FAP: variants seen among roughly 807,000 people sequenced by gnomAD.
FAP encodes the protein prolyl endopeptidase FAP.
FAP carries 110 observed loss-of-function variants against 126.5 expected under a neutral mutation model. The ratio of observed to expected loss-of-function variants is 0.87; its 90% CI spans 0.74 to 1.02. The LOEUF is 1.02. Ranked by LOEUF, FAP falls within the 50% of genes least tolerant of loss-of-function variation. FAP has a pLI of 0.00. For missense variants in FAP, 919 were observed against 909.2 expected (o/e 1.01, Z -0.14); for synonymous variants, 334 against 297.3 (o/e 1.12, Z -1.27).
chr2:162,201,736 G>A (rs760537044), intron 14 of FAP, among the ~76,000 whole-genome samples: 2 of 152,120 alleles, frequency 1.3e-5, no homozygotes, highest in Non-Finnish European at 2.9e-5. Flanking sequence ...ACTACTCTGT[G>A]TCAGGCGCTG....
intron 3 of FAP, 120 bp from the exon 4 acceptor site, chr2:162,225,697 A>G (rs1689616653): frequency 2.0e-6 from 2 of 984,248 alleles, no homozygotes; most frequent in Non-Finnish European, 2.8e-6. Context: ...TCCAGTACAT[A>G]TTGCTTTGTG....
intron 25 of FAP, chr2:162,171,836 T>C (rs1266502769): frequency 6.6e-6 from 1 of 152,092 alleles, no homozygotes; most frequent in East Asian, 1.9e-4. Flanking sequence ...GATATTTTGA[T>C]AGCTGAATAC....
intron 12 of FAP, among the ~76,000 whole-genome samples, chr2:162,207,714 ATT>A (rs549071406): frequency 7.8e-5 from 11 of 141,706 alleles, no homozygotes; most frequent in Non-Finnish European, 9.3e-5. Flanking sequence ...CACTGAGGGC[ATT>A]TTTTTTTTTT....
chr2:162,173,828 A>G, intron 22 of FAP, 41 bp from the exon 23 acceptor site: 6 of 1,275,364 alleles, frequency 4.7e-6, no homozygotes, highest in Non-Finnish European at 6.8e-6. Context: ...GCATGTGATG[A>G]ATGTCATTTC....
At chr2:162,224,653 T>C (rs955376309) in intron 4 of FAP, 113 bp from the exon 5 acceptor site, 3 of 542,664 alleles carry the variant, frequency 5.5e-6, no homozygotes, top group Non-Finnish European at 6.3e-6. Context: ...GCATAGACTT[T>C]CAATGCAATT....
At position 162,229,846 on chromosome 2, in the gene FAP, G is replaced by A. The variant is rs918862931; in HGVS notation, c.92-3225C>T. On this transcript the variant is annotated intron_variant, in intron 2 of 25. Coordinates refer to ENST00000188790, the MANE Select transcript of FAP (RefSeq NM_004460.5). Reference sequence around the variant, plus strand: ...AATGCCAACAATCGATATAGAGAACGTAGCATATGACTCAAAAAATCTGTA... The same window carrying A: ...AATGCCAACAATCGATATAGAGAACATAGCATATGACTCAAAAAATCTGTA... Among the ~76,000 whole-genome samples, 8 of 136,744 alleles carry A rather than the reference G, an allele frequency of 5.9e-5. No individual in the cohort carries two copies. The South Asian group carries it at 1.3e-3, about 23-fold the overall frequency. 89.7% of individuals were successfully genotyped at this position (136,744 alleles called of 152,430 possible).
chr2:162,191,518 G>A (rs184781307), intron 17 of FAP, among the ~76,000 whole-genome samples: 172 of 151,938 alleles, frequency 1.1e-3, no homozygotes, highest in African/African-American at 3.8e-3. Context: ...TCCCATCACC[G>A]TATACTCAGT....
At chr2:162,196,786 T>C (rs1324042702) in intron 16 of FAP, among the ~76,000 whole-genome samples, 1 of 152,170 alleles carries the variant, frequency 6.6e-6, no homozygotes, top group African/African-American at 2.4e-5. Flanking sequence ...GTTTTTCCTA[T>C]GATGGCGCAG....
chr2:162,183,530 A>T, intron 20 of FAP, 62 bp from the exon 21 acceptor site: 3 of 921,120 alleles, frequency 3.3e-6, no homozygotes, highest in Non-Finnish European at 5.3e-6. Flanking sequence ...TTACTTCATT[A>T]CACAACCATA....
chr2:162,243,277 G>A lies in FAP; in HGVS notation c.6+45C>T. 5 of 1,438,752 alleles carry A rather than the reference G, an allele frequency of 3.5e-6. No individual in the cohort carries two copies. In the South Asian group the frequency reaches 3.5e-5, roughly 10 times the overall value. 89.1% of individuals were successfully genotyped at this position (1,438,752 alleles called of 1,614,324 possible). A position where few individuals can be genotyped will look rare whatever the true frequency, so the allele number is the denominator to read the frequency against. On this transcript the variant is annotated intron_variant, in intron 1 of 25. Coordinates refer to ENST00000188790, the MANE Select transcript of FAP (RefSeq NM_004460.5). ...GAAAACTCTGATCACGTTCAATCCA[G>A]CCAACCCTAATTTTTTAAGAATACT... is the stretch of plus-strand genomic sequence containing the variant.
Position 162,217,990 on chromosome 2 carries a change from G to T in FAP, c.758C>A (p.Pro253Gln). 2 of 1,572,432 alleles carry T rather than the reference G, an allele frequency of 1.3e-6. No homozygotes were observed. The highest frequency in any genetic ancestry group is 1.7e-6 in the Non-Finnish European group (2 of 1,159,910). ...QYPRTINIPY[P>Q]KAGAKNPVVR... ...CGCTGAAAGTATTCAACATACCTTT[G>T]GGTATGGAATATTTATTGTTCTAGG... The change falls in exon 9 of 26, where the codon CCA becomes CAA. Residue 253 changes from proline (P) to glutamine (Q), a missense_variant. Pro to Gln is a moderately conservative substitution (Grantham distance 76). Transcript: ENST00000188790.
At position 162,179,422 on chromosome 2, in the gene FAP, T is replaced by C. The variant is rs201129624; in HGVS notation, c.1869+3992A>G. ...AGGATTAAAGTCAGTTTAAACAACATCATAGATGCTTGCTGTGGCCAAGCA... is the reference window on the plus strand; with the variant it reads ...AGGATTAAAGTCAGTTTAAACAACACCATAGATGCTTGCTGTGGCCAAGCA... On this transcript the variant is annotated intron_variant, in intron 21 of 25. Coordinates refer to ENST00000188790, the MANE Select transcript of FAP (RefSeq NM_004460.5). Among the ~76,000 whole-genome samples the C allele has an allele frequency of 4.6e-5, 7 of 152,218 alleles. No individual in the cohort carries two copies. The East Asian group carries it at 1.4e-3, about 29-fold the overall frequency.
At position 162,205,575 on chromosome 2, in the gene FAP, G is replaced by A. The variant is rs369211921; in HGVS notation, c.1048-2430C>T. ...TTGCCCAGGCTGGAGTGCAAATAGC[G>A]TGGTCTTGGCTCATCACAACCTCTG... is the stretch of plus-strand genomic sequence containing the variant. On this transcript the variant is annotated intron_variant, in intron 12 of 25. Transcript: ENST00000188790. Among the ~76,000 whole-genome samples the A allele has an allele frequency of 1.4e-4, 21 of 151,636 alleles. 1 individual carries two copies. The highest frequency in any genetic ancestry group is 4.1e-4 in the South Asian group (2 of 4,820).
intron 10 of FAP, among the ~76,000 whole-genome samples, chr2:162,214,873 G>A (rs545564703): frequency 5.6e-4 from 85 of 152,104 alleles, no homozygotes; most frequent in African/African-American, 1.9e-3. Flanking sequence ...GATTGGCCGC[G>A]TGCTTAAACC....
chr2:162,176,294 AG>A (rs1456778058), intron 21 of FAP: 1 of 152,194 alleles, frequency 6.6e-6, no homozygotes, highest in Non-Finnish European at 1.5e-5. Context: ...AGTTAAATGA[AG>A]AATTCTCAAA....
At chr2:162,182,013 G>A (rs983509705) in intron 21 of FAP, among the ~76,000 whole-genome samples, 3 of 152,126 alleles carry the variant, frequency 2.0e-5, no homozygotes, top group Non-Finnish European at 2.9e-5. Context: ...TCATTACCAT[G>A]TTGGAAAGTA....
intron 16 of FAP, among the ~76,000 whole-genome samples, chr2:162,196,656 TC>T (rs1201070359): frequency 6.6e-6 from 1 of 152,026 alleles, no homozygotes; most frequent in African/African-American, 2.4e-5. Flanking sequence ...TCCATCAGCA[TC>T]ATCGATATAA....
At chr2:162,226,234 A>G (rs1330083484) in intron 3 of FAP, among the ~76,000 whole-genome samples, 1 of 152,178 alleles carries the variant, frequency 6.6e-6, no homozygotes, top group Non-Finnish European at 1.5e-5. Flanking sequence ...AAATAGGAAT[A>G]TATCTACCAT....
rs1420362998 is a variant in FAP, at chr2:162,170,911, A to C, written c.*68T>G. ...CATTTTACAACATAAAAAATAAAAT[A>C]AGCAAACTGTCTGAGGGGTTTATAT... On this transcript the variant is annotated 3_prime_UTR_variant, in exon 26 of 26. Coordinates refer to ENST00000188790, the MANE Select transcript of FAP (RefSeq NM_004460.5). 1 of 1,153,610 alleles carries C rather than the reference A, an allele frequency of 8.7e-7. No individual in the cohort carries two copies. The highest frequency in any genetic ancestry group is 1.3e-6 in the Non-Finnish European group (1 of 781,386). The allele number at this position is 1,153,610 out of a possible 1,614,324, so 71.5% of individuals were successfully genotyped here.
Sources: gnomAD v4.1 joint callset for allele counts (sites outside exome capture counted in the v4.1 genomes callset) on GRCh38, gnomAD v4.1.1 for gene constraint, MANE v1.5 for transcripts, NCBI Gene and HGNC (gene_info 2026-07-23, HGNC 2026-07-21) for gene names.